BCAS3: variants seen among roughly 807,000 people sequenced by gnomAD.
BCAS3 encodes the protein BCAS3 microtubule associated cell migration factor, also known as BCAS4/BCAS3 fusion.
In BCAS3, 53 loss-of-function variants were observed where a neutral mutation model predicts 116.1. That is an observed-to-expected ratio of 0.46 (90% CI 0.37 to 0.57). The LOEUF (loss-of-function observed/expected upper bound fraction) is 0.57, where lower values mean the gene tolerates loss of function less well. Among genes scored for constraint, BCAS3 ranks in the 20% least tolerant of loss-of-function variants. The pLI, the probability that BCAS3 is intolerant of heterozygous loss-of-function variation, is 0.00. For missense variants in BCAS3, 917 were observed against 1,165.4 expected, an observed-to-expected ratio of 0.79 and a Z score of 3.10; for synonymous variants, 391 against 408.2, an observed-to-expected ratio of 0.96 and a Z score of 0.51.
chr17:61,301,400 G>A (rs991865212), intron 22 of BCAS3, among the ~76,000 whole-genome samples: 8 of 152,156 alleles, frequency 5.3e-5, no homozygotes, highest in African/African-American at 1.9e-4. Context: ...TTGGGAGGCC[G>A]AGGCGGGTGG....
intron 6 of BCAS3, among the ~76,000 whole-genome samples, chr17:60,776,713 C>T (rs1194232018): frequency 1.2e-4 from 16 of 136,168 alleles, no homozygotes; most frequent in Admixed American, 6.9e-4. Context: ...AGTGAGACTC[C>T]GTCTCAAAAA....
intron 15 of BCAS3, among the ~76,000 whole-genome samples, chr17:61,005,729 G>T (rs951157205): frequency 6.7e-6 from 1 of 150,114 alleles, no homozygotes; most frequent in African/African-American, 2.5e-5. Context: ...TGATTTTTAG[G>T]AAAGTTACTT....
intron 22 of BCAS3, among the ~76,000 whole-genome samples, chr17:61,314,974 C>T (rs1323107944): frequency 6.6e-6 from 1 of 152,126 alleles, no homozygotes; most frequent in Non-Finnish European, 1.5e-5. Context: ...ATGCTCTTAG[C>T]AGTCACCGCG....
At chr17:60,996,742 A>G (rs1467766139) in intron 15 of BCAS3, among the ~76,000 whole-genome samples, 1 of 152,206 alleles carries the variant, frequency 6.6e-6, no homozygotes, top group Non-Finnish European at 1.5e-5. Context: ...GTAAGTGAGT[A>G]TAAAAAAGAG....
chr17:60,964,885 T>C lies in BCAS3; in HGVS notation c.1221+17533T>C, dbSNP rs34623085. Among the ~76,000 whole-genome samples the C allele has an allele frequency of 7.1e-3, 1,083 of 152,274 alleles. 9 individuals carry two copies. Among genetic ancestry groups the C allele is most frequent in the Non-Finnish European group, 0.011 (761 of 68,022 alleles). On this transcript the variant is annotated intron_variant, in intron 14 of 23. Coordinates refer to ENST00000407086, the MANE Select transcript of BCAS3 (RefSeq NM_017679.5). This position sits in a 1 kb window ranked among gnomAD's most constrained non-coding sequence, Gnocchi z 4.6. ...TGTGTTTCTGAGGTCTCAGTTGTTA[T>C]GTGTCCTTTCTTTGTTTCTGATTTT...
At position 61,208,447 on chromosome 17, in the gene BCAS3, G is replaced by A. The variant is rs891593511; in HGVS notation, c.2425+123883G>A. Reference sequence around the variant, plus strand: ...GAAATGAAATGTGCTAGTAAGTGTCGTTAAAAAACTGAGAGTTTTTCTTCT... The same window carrying A: ...GAAATGAAATGTGCTAGTAAGTGTCATTAAAAAACTGAGAGTTTTTCTTCT... On this transcript the variant is annotated intron_variant, in intron 22 of 23. Transcript: ENST00000407086. The surrounding 1 kb of genome is among the most constrained non-coding windows in gnomAD (Gnocchi z 4.5). Among the ~76,000 whole-genome samples, 3 of 152,082 alleles carry A rather than the reference G, an allele frequency of 2.0e-5. No homozygotes were observed. Among genetic ancestry groups the A allele is most frequent in the African/African-American group, 7.2e-5 (3 of 41,398 alleles).
chr17:60,697,479 A>T (rs1428324912), intron 4 of BCAS3, among the ~76,000 whole-genome samples: 1 of 150,588 alleles, frequency 6.6e-6, no homozygotes, highest in Non-Finnish European at 1.5e-5. Context: ...GCTACTTGGG[A>T]GGCTGAGGCA....
At chr17:61,046,066 TA>T (rs1273040282) in intron 19 of BCAS3, among the ~76,000 whole-genome samples, 5 of 28,458 alleles carry the variant, frequency 1.8e-4, no homozygotes, top group East Asian at 1.4e-3. Context: ...ATTATATATA[TA>T]TAATATATAT....
At chr17:60,879,393 A>G (rs1234274836) in intron 9 of BCAS3, among the ~76,000 whole-genome samples, 2 of 152,236 alleles carry the variant, frequency 1.3e-5, no homozygotes, top group African/African-American at 4.8e-5. Flanking sequence ...AGCAAGCATC[A>G]TGGGAATTTG....
rs533735345 is a variant in BCAS3, at chr17:60,854,008, G to A, written c.477-14568G>A. Among the ~76,000 whole-genome samples the A allele has an allele frequency of 8.6e-5, 13 of 152,010 alleles. No homozygotes were observed. The East Asian group carries it at 1.2e-3, about 14-fold the overall frequency. On this transcript the variant is annotated intron_variant, in intron 7 of 23. Coordinates refer to ENST00000407086, the MANE Select transcript of BCAS3 (RefSeq NM_017679.5). ...GTTGGTGTGCTGCACCCATTGACTC[G>A]TCTTTTACATTAGGTTTATCTCCTA...
At chr17:61,340,570 G>C (rs866171398) in intron 22 of BCAS3, among the ~76,000 whole-genome samples, 11 of 152,190 alleles carry the variant, frequency 7.2e-5, no homozygotes, top group Admixed American at 1.3e-4. Context: ...GTGATCATCA[G>C]GTCAGGCTCA....
chr17:61,061,892 G>T (rs2070086777), intron 19 of BCAS3, among the ~76,000 whole-genome samples: 2 of 152,134 alleles, frequency 1.3e-5, no homozygotes, highest in African/African-American at 4.8e-5. Flanking sequence ...TGATATTTGT[G>T]TGTATAAATA....
At chr17:61,321,156 C>T (rs1404062692) in intron 22 of BCAS3, among the ~76,000 whole-genome samples, 1 of 151,918 alleles carries the variant, frequency 6.6e-6, no homozygotes, top group African/African-American at 2.4e-5. Context: ...ACAAACATAA[C>T]TAAAAATATA....
chr17:61,218,327 T>C (rs2081922414), intron 22 of BCAS3, among the ~76,000 whole-genome samples: 2 of 152,192 alleles, frequency 1.3e-5, no homozygotes, highest in Admixed American at 1.3e-4. Context: ...CTAAGATTGT[T>C]GGGCTTACCT....
In BCAS3 at chr17:61,344,918, C is replaced by G. The variant is rs2057408616; in HGVS notation, c.2426-23409C>G. Among the ~76,000 whole-genome samples the G allele has an allele frequency of 6.6e-6, 1 of 150,570 alleles. No individual in the cohort carries two copies. The highest frequency in any genetic ancestry group is 2.4e-5 in the African/African-American group (1 of 41,108). The stretch of plus-strand genomic sequence containing the variant: ...TTTTATGATTCCTGGATCGGAAATA[C>G]ACACACACACACACATACACACACA... On this transcript the variant is annotated intron_variant, in intron 22 of 23. Coordinates refer to ENST00000407086, the MANE Select transcript of BCAS3 (RefSeq NM_017679.5). This position sits in a 1 kb window ranked among gnomAD's most constrained non-coding sequence, Gnocchi z 4.1.
chr17:60,922,423 C>G (rs7210893), intron 12 of BCAS3, among the ~76,000 whole-genome samples: 29,559 of 152,098 alleles, frequency 0.19, 3,276 homozygotes, highest in African/African-American at 0.31. Context: ...CCGCGCCTGG[C>G]CCAATTTTAG....
At chr17:61,295,481 C>G (rs1414327996) in intron 22 of BCAS3, among the ~76,000 whole-genome samples, 3 of 152,186 alleles carry the variant, frequency 2.0e-5, no homozygotes, top group African/African-American at 7.2e-5. Flanking sequence ...GTAGCTGTCT[C>G]TCTGTCTCTG....
chr17:60,994,038 A>G lies in BCAS3; in HGVS notation c.1486+3803A>G, dbSNP rs1216647197. Among the ~76,000 whole-genome samples the G allele has an allele frequency of 6.6e-6, 1 of 152,130 alleles. No individual in the cohort carries two copies. The highest frequency in any genetic ancestry group is 1.9e-4 in the East Asian group (1 of 5,190). On this transcript the variant is annotated intron_variant, in intron 15 of 23. Coordinates refer to ENST00000407086, the MANE Select transcript of BCAS3 (RefSeq NM_017679.5). The surrounding 1 kb of genome is among the most constrained non-coding windows in gnomAD (Gnocchi z 4.4). Reference sequence around the variant, plus strand: ...ATAGGAAAAAAATTTACATCTTTATATTCACTATCCTTTAACCAAAAGTAA... The same window carrying G: ...ATAGGAAAAAAATTTACATCTTTATGTTCACTATCCTTTAACCAAAAGTAA...
chr17:60,874,829 G>C (rs1361701533), intron 9 of BCAS3, 91 bp downstream of exon 9: 1 of 685,410 alleles, frequency 1.5e-6, no homozygotes. Flanking sequence ...TTTCTCAACA[G>C]TACTTAATGT....
Sources: gnomAD v4.1 joint callset for allele counts (sites outside exome capture counted in the v4.1 genomes callset) on GRCh38, gnomAD v4.1.1 for gene constraint, Gnocchi (gnomAD v3.1) non-coding constraint, MANE v1.5 for transcripts, NCBI Gene and HGNC (gene_info 2026-07-23, HGNC 2026-07-21) for gene names.